Variants in SLC39A12 observed in about 807,000 individuals in gnomAD.
SLC39A12 encodes the protein zinc transporter ZIP12.
A neutral mutation model predicts 71.1 loss-of-function variants in SLC39A12; 63 were observed. The observed-to-expected ratio is 0.89, with a 90% CI of 0.72 to 1.09. The LOEUF is 1.09. SLC39A12 is among the 50% of genes least tolerant of loss of function. SLC39A12 has a pLI of 0.00. For synonymous variants in SLC39A12, 351 were observed against 301.3 expected (o/e 1.16, Z -1.71); for missense variants, 892 against 812.6 (o/e 1.10, Z -1.19).
intron 12 of SLC39A12, among the ~76,000 whole-genome samples, chr10:18,037,244 A>G (rs1837078215): frequency 6.6e-6 from 1 of 152,136 alleles, no homozygotes; most frequent in African/African-American, 2.4e-5. Flanking sequence ...TTGATAATTC[A>G]TTATTGATTG....
intron 12 of SLC39A12, among the ~76,000 whole-genome samples, chr10:18,013,700 C>T (rs191906558): frequency 2.7e-4 from 41 of 152,174 alleles, no homozygotes; most frequent in South Asian, 8.3e-4. Context: ...ATCCAGTTTC[C>T]CCAGCACCAT....
At chr10:18,020,708 C>T (rs1487891390) in intron 12 of SLC39A12, among the ~76,000 whole-genome samples, 5 of 152,054 alleles carry the variant, frequency 3.3e-5, no homozygotes, top group Non-Finnish European at 7.4e-5. Context: ...ATTTGCGTTT[C>T]CCTAATGATT....
intron 8 of SLC39A12, among the ~76,000 whole-genome samples, chr10:17,992,213 A>G (rs866784267): frequency 1.3e-5 from 2 of 152,118 alleles, no homozygotes; most frequent in African/African-American, 2.4e-5. Flanking sequence ...ATGGATGGAT[A>G]GAGGGATGAT....
At chr10:18,042,168 CTA>C (rs972405779) in intron 12 of SLC39A12, among the ~76,000 whole-genome samples, 74 of 152,132 alleles carry the variant, frequency 4.9e-4, no homozygotes, top group African/African-American at 1.7e-3. Flanking sequence ...TGGTTGGTAA[CTA>C]TGTCATTTTA....
intron 12 of SLC39A12, among the ~76,000 whole-genome samples, chr10:18,015,650 AT>A (rs1310580921): frequency 7.6e-6 from 1 of 132,096 alleles, no homozygotes; most frequent in Non-Finnish European, 1.7e-5. Flanking sequence ...TTTTAAAAAA[AT>A]TTTTAGAGTG....
chr10:18,040,092 A>G (rs1329227107), intron 12 of SLC39A12, among the ~76,000 whole-genome samples: 2 of 152,238 alleles, frequency 1.3e-5, no homozygotes, highest in Admixed American at 1.3e-4. Context: ...TACGTAATAT[A>G]TAAAACATGA....
chr10:18,041,526 G>GTA (rs765462280), intron 12 of SLC39A12, among the ~76,000 whole-genome samples: 4,176 of 72,318 alleles, frequency 0.058, 439 homozygotes, highest in East Asian at 0.19. Context: ...ATATATATAT[G>GTA]TATATATATA....
intron 12 of SLC39A12, among the ~76,000 whole-genome samples, chr10:18,039,468 C>T (rs764193549): frequency 3.9e-5 from 6 of 152,150 alleles, no homozygotes; most frequent in Non-Finnish European, 5.9e-5. Flanking sequence ...TGGCTTATGC[C>T]TGTAATTCCA....
chr10:17,962,071 C>T (rs1195645306), intron 3 of SLC39A12, among the ~76,000 whole-genome samples: 2 of 152,124 alleles, frequency 1.3e-5, no homozygotes, highest in Non-Finnish European at 2.9e-5. Context: ...GCAGTTTTCG[C>T]CAGAAGTTCG....
intron 12 of SLC39A12, among the ~76,000 whole-genome samples, chr10:18,041,845 GTA>G (rs113327684): frequency 0.022 from 3,185 of 145,052 alleles, 55 homozygotes; most frequent in South Asian, 0.043. Context: ...ATATGTATAC[GTA>G]TATATATGTA....
chr10:17,972,182 T>A (rs910791245), intron 4 of SLC39A12, among the ~76,000 whole-genome samples: 2 of 152,214 alleles, frequency 1.3e-5, no homozygotes, highest in African/African-American at 4.8e-5. Flanking sequence ...TATTTCATTG[T>A]GGTCAGAGAA....
chr10:18,028,471 T>C (rs776374887), intron 12 of SLC39A12, among the ~76,000 whole-genome samples: 1 of 152,200 alleles, frequency 6.6e-6, no homozygotes, highest in Non-Finnish European at 1.5e-5. Flanking sequence ...TTGCTTGTCA[T>C]GAGAGTCTGA....
At position 17,974,255 on chromosome 10, in the gene SLC39A12, T is replaced by A. The variant is rs1835047999; in HGVS notation, c.752-3647T>A. Among the ~76,000 whole-genome samples, 4 of 152,188 alleles carry A rather than the reference T, an allele frequency of 2.6e-5. No individual in the cohort carries two copies. The South Asian group carries it at 8.3e-4, about 32-fold the overall frequency. On this transcript the variant is annotated intron_variant, in intron 4 of 12. Transcript: ENST00000377369. ...ACATATCTCTGTTTCTCCAGAATTGTTGCCTGGTGCCTTATTTAATTCATT... is the reference window on the plus strand; with the variant it reads ...ACATATCTCTGTTTCTCCAGAATTGATGCCTGGTGCCTTATTTAATTCATT...
At chr10:18,003,676 C>T (rs1383086707) in intron 12 of SLC39A12, among the ~76,000 whole-genome samples, 2 of 152,160 alleles carry the variant, frequency 1.3e-5, no homozygotes, top group Admixed American at 6.6e-5. Context: ...AAGTAATCAT[C>T]AGCTCATTCG....
intron 12 of SLC39A12, among the ~76,000 whole-genome samples, chr10:18,004,743 A>G (rs1478854716): frequency 6.6e-6 from 1 of 152,162 alleles, no homozygotes; most frequent in Non-Finnish European, 1.5e-5. Context: ...ATTGCTGTGT[A>G]TATATTCAAA....
intron 7 of SLC39A12, among the ~76,000 whole-genome samples, chr10:17,990,827 C>G (rs11011929): frequency 4.6e-5 from 7 of 152,046 alleles, no homozygotes; most frequent in Non-Finnish European, 1.0e-4. Context: ...ACAATTTGGC[C>G]GAAGGACTGA....
chr10:18,041,528 A>G (rs1211774021), intron 12 of SLC39A12, among the ~76,000 whole-genome samples: 10 of 66,248 alleles, frequency 1.5e-4, no homozygotes, highest in Non-Finnish European at 2.9e-4. Context: ...ATATATATGT[A>G]TATATATACA....
At position 17,977,915 on chromosome 10, in the gene SLC39A12, C is replaced by G. The variant is rs543733651; in HGVS notation, c.765C>G (p.Leu255=). The stretch of plus-strand genomic sequence containing the variant: ...TGAAATTTCTAGAACTAGACCAACT[C>G]CTCAACACTCTCTGGACCAGAAGTA... The part of the protein sequence containing the change: ...NTLRLSELDQ[L]LNTLWTRSTC... Residue 255 remains leucine, a synonymous_variant, in exon 5 of 13, where the codon CTC becomes CTG. Transcript: ENST00000377369. The G allele has an allele frequency of 6.3e-7, 1 of 1,599,490 alleles. No individual in the cohort carries two copies. Among genetic ancestry groups the G allele is most frequent in the African/African-American group, 1.3e-5 (1 of 74,086 alleles).
intron 12 of SLC39A12, among the ~76,000 whole-genome samples, chr10:18,011,435 A>T (rs1443764552): frequency 6.6e-6 from 1 of 152,144 alleles, no homozygotes; most frequent in Non-Finnish European, 1.5e-5. Context: ...AGCTTACTTT[A>T]TTGTAAGAAT....
Sources: gnomAD v4.1 joint callset for allele counts (sites outside exome capture counted in the v4.1 genomes callset) on GRCh38, gnomAD v4.1.1 for gene constraint, MANE v1.5 for transcripts, NCBI Gene and HGNC (gene_info 2026-07-23, HGNC 2026-07-21) for gene names.